Variants in SGCD observed in about 807,000 individuals in gnomAD.
The protein encoded by SGCD is delta-sarcoglycan.
In SGCD, 18 loss-of-function variants were observed where a neutral mutation model predicts 36.6. The ratio of observed to expected loss-of-function variants is 0.49; its 90% CI spans 0.34 to 0.73. The LOEUF is 0.73. Among genes scored for constraint, SGCD ranks in the 30% least tolerant of loss-of-function variants. The pLI is 0.01. For missense variants in SGCD, 387 were observed against 346.7 expected (o/e 1.12, Z -0.92); for synonymous variants, 133 against 130.6 (o/e 1.02, Z -0.12).
At chr5:156,544,156 A>C (rs943592462) in intron 4 of SGCD, among the ~76,000 whole-genome samples, 1 of 152,234 alleles carries the variant, frequency 6.6e-6, no homozygotes, top group Admixed American at 6.5e-5. Context: ...ATTAGCAAGC[A>C]TATCAAAGAT....
intron 1 of SGCD, among the ~76,000 whole-genome samples, chr5:156,091,494 C>T (rs1761242283): frequency 6.6e-6 from 1 of 152,206 alleles, no homozygotes; most frequent in African/African-American, 2.4e-5. Flanking sequence ...GTAGTCACCG[C>T]AGCATACCCA....
intron 3 of SGCD, among the ~76,000 whole-genome samples, chr5:156,241,974 GT>G (rs1765317081): frequency 6.6e-6 from 1 of 152,154 alleles, no homozygotes; most frequent in Non-Finnish European, 1.5e-5. Context: ...CCTCAAACAG[GT>G]TGAGAAAGGT....
At chr5:155,877,515 G>A (rs1005973971) in intron 1 of SGCD, among the ~76,000 whole-genome samples, 4 of 152,018 alleles carry the variant, frequency 2.6e-5, no homozygotes, top group Non-Finnish European at 5.9e-5. Context: ...ATCTGTACTT[G>A]GTAAGTTAAA....
chr5:156,491,661 T>C (rs1431415017), intron 3 of SGCD, among the ~76,000 whole-genome samples: 4 of 152,066 alleles, frequency 2.6e-5, no homozygotes, highest in Non-Finnish European at 5.9e-5. Context: ...TTTAAGACTC[T>C]TCTAGAAGCA....
At chr5:155,774,576 C>G in the SGCD span, among the ~76,000 whole-genome samples, 18 of 152,228 alleles carry the variant, frequency 1.2e-4, no homozygotes, top group African/African-American at 4.1e-4. Context: ...CTGGCTTTTT[C>G]AGTGTTGAGT....
At chr5:156,152,789 T>G (rs1211794529) in intron 3 of SGCD, among the ~76,000 whole-genome samples, 1 of 151,724 alleles carries the variant, frequency 6.6e-6, no homozygotes, top group African/African-American at 2.4e-5. Flanking sequence ...GATAATGGCT[T>G]GTGAATATAT....
chr5:156,457,303 T>C (rs1561708202), intron 3 of SGCD, among the ~76,000 whole-genome samples: 1 of 152,190 alleles, frequency 6.6e-6, no homozygotes, highest in Non-Finnish European at 1.5e-5. Flanking sequence ...TAAAATAATT[T>C]CTGACATATA....
At chr5:156,713,884 T>C (rs1226305779) in intron 7 of SGCD, among the ~76,000 whole-genome samples, 1 of 152,210 alleles carries the variant, frequency 6.6e-6, no homozygotes, top group African/African-American at 2.4e-5. Flanking sequence ...TTAATCCTAA[T>C]CCCTTCACCA....
At chr5:156,399,165 A>C (rs756515800) in intron 3 of SGCD, among the ~76,000 whole-genome samples, 2 of 152,214 alleles carry the variant, frequency 1.3e-5, no homozygotes. Flanking sequence ...CAAAAGACAA[A>C]TATTTGCTGG....
chr5:156,243,064 A>G (rs1581191091), intron 3 of SGCD, among the ~76,000 whole-genome samples: 1 of 152,310 alleles, frequency 6.6e-6, no homozygotes, highest in African/African-American at 2.4e-5. Flanking sequence ...GAACTTGACC[A>G]CGGAGAGGAC....
In SGCD at chr5:155,872,383, ACACT is replaced by A. The variant is rs766180020; in HGVS notation, c.-282+1961_-282+1964del. On this transcript the variant is annotated intron_variant, in intron 1 of 9. Transcript: ENST00000517913. ...CACACACACACACACACACACACAC[ACACT>A]CTCATGGAAAACTCTATAGCCTATT... is the stretch of plus-strand genomic sequence containing the variant. Among the ~76,000 whole-genome samples the A allele has an allele frequency of 9.5e-3, 1,424 of 149,440 alleles. 13 individuals are homozygous for A. Among genetic ancestry groups the A allele is most frequent in the Non-Finnish European group, 0.015 (995 of 67,120 alleles).
At chr5:156,280,134 G>T (rs1766415138) in intron 3 of SGCD, among the ~76,000 whole-genome samples, 1 of 151,942 alleles carries the variant, frequency 6.6e-6, no homozygotes, top group Non-Finnish European at 1.5e-5. Context: ...AATTTCAACA[G>T]TATGCATTTT....
intron 3 of SGCD, among the ~76,000 whole-genome samples, chr5:156,197,017 CCCAGTAAATGCTTCTTAATGG>C (rs1347020914): frequency 6.6e-6 from 1 of 152,162 alleles, no homozygotes; most frequent in Non-Finnish European, 1.5e-5. Context: ...TAATCACTCT[CCCAGTAAATGCTTCTTAATGG>C]CCATTGCTTA....
In SGCD at chr5:156,761,658, A is replaced by T. The variant is rs780457881; in HGVS notation, c.*2268A>T. The T allele has an allele frequency of 1.3e-5, 2 of 152,208 alleles. No homozygotes were observed. Among genetic ancestry groups the T allele is most frequent in the African/African-American group, 4.8e-5 (2 of 41,456 alleles). 9.4% of individuals were successfully genotyped at this position (152,208 alleles called of 1,614,324 possible). ...AAGTAGACTGTCTTTGCATTTTGCC[A>T]TCTGAAGTTCATTAATCTTTAGATG... is the stretch of plus-strand genomic sequence containing the variant. On this transcript the variant is annotated 3_prime_UTR_variant, in exon 9 of 9. Transcript: ENST00000337851.
rs11740347 is a variant in SGCD at position 156,329,404 on chromosome 5, G to A, written c.-43-130G>A. On this transcript the variant is annotated intron_variant, in intron 1 of 8. Transcript: ENST00000337851. Reference sequence around the variant, plus strand: ...CCACAGGAGACTGCATGGTCAGCCTGCCCTGCCTTCTGGAAGTAATCAGAA... The same window carrying A: ...CCACAGGAGACTGCATGGTCAGCCTACCCTGCCTTCTGGAAGTAATCAGAA... 0.45 allele frequency: 308,801 copies of A among 679,538 alleles called. 73,217 individuals are homozygous for A. The highest frequency in any genetic ancestry group is 0.79 in the East Asian group (30,601 of 38,882). The allele number at this position is 679,538 out of a possible 1,614,324, so 42.1% of individuals were successfully genotyped here. A position where few individuals can be genotyped will look rare whatever the true frequency, so the allele number is the denominator to read the frequency against.
At position 156,765,908 on chromosome 5, in the gene SGCD, C is replaced by T. The variant is rs1165157961; in HGVS notation, c.*6518C>T. On this transcript the variant is annotated 3_prime_UTR_variant, in exon 9 of 9. Transcript: ENST00000337851. Reference sequence around the variant, plus strand: ...ATTTTCCCTGCTTTCTGTAGTCTCTCACAGTGACAGCATCTATACTAAAGT... The same window carrying T: ...ATTTTCCCTGCTTTCTGTAGTCTCTTACAGTGACAGCATCTATACTAAAGT... The T allele has an allele frequency of 2.0e-5, 3 of 151,970 alleles. No homozygotes were observed. The highest frequency in any genetic ancestry group is 4.4e-5 in the Non-Finnish European group (3 of 68,010). 9.4% of individuals were successfully genotyped at this position (151,970 alleles called of 1,614,324 possible).
chr5:156,256,993 A>G (rs1304203231), intron 3 of SGCD, among the ~76,000 whole-genome samples: 1 of 152,090 alleles, frequency 6.6e-6, no homozygotes, highest in Non-Finnish European at 1.5e-5. Context: ...AACCTGGGCA[A>G]CATAACGAGA....
At chr5:156,034,879 C>A (rs185072715) in intron 1 of SGCD, among the ~76,000 whole-genome samples, 1 of 152,302 alleles carries the variant, frequency 6.6e-6, no homozygotes, top group East Asian at 1.9e-4. Context: ...CCAATGAAAA[C>A]TACTTTAGTT....
chr5:156,497,170 A>ACTCTCTCT (rs10559912), intron 3 of SGCD, among the ~76,000 whole-genome samples: 39 of 145,380 alleles, frequency 2.7e-4, no homozygotes, highest in Non-Finnish European at 3.4e-4. Flanking sequence ...ACTCTCCTGC[A>ACTCTCTCT]CTCTCTCTCT....
Sources: gnomAD v4.1 joint callset for allele counts (sites outside exome capture counted in the v4.1 genomes callset) on GRCh38, gnomAD v4.1.1 for gene constraint, MANE v1.5 for transcripts, NCBI Gene and HGNC (gene_info 2026-07-23, HGNC 2026-07-21) for gene names.